The following FBXL7 variants were observed in gnomAD, a reference collection of about 807,000 sequenced individuals.
FBXL7 encodes the protein F-box and leucine rich repeat protein 7, also known as F-box/LRR-repeat protein 7.
A neutral mutation model predicts 38.3 loss-of-function variants in FBXL7; 12 were observed. That is an observed-to-expected ratio of 0.31 (90% CI 0.20 to 0.51). The LOEUF (loss-of-function observed/expected upper bound fraction) is 0.51. FBXL7 is among the 20% of genes least tolerant of loss of function. The pLI is 0.98. For missense variants in FBXL7, 567 were observed against 676.4 expected (o/e 0.84, Z 1.79); for synonymous variants, 297 against 300.9 (o/e 0.99, Z 0.13).
intron 1 of FBXL7, among the ~76,000 whole-genome samples, chr5:15,581,291 C>T (rs1403287302): frequency 1.3e-5 from 2 of 152,102 alleles, no homozygotes; most frequent in Non-Finnish European, 2.9e-5. Flanking sequence ...AAACCCTTTC[C>T]CAGGAACTTG....
intron 1 of FBXL7, among the ~76,000 whole-genome samples, chr5:15,561,718 A>G (rs1429819244): frequency 6.6e-6 from 1 of 152,032 alleles, no homozygotes; most frequent in African/African-American, 2.4e-5. Flanking sequence ...CACCCTCACC[A>G]ACACTTATAC....
intron 2 of FBXL7, among the ~76,000 whole-genome samples, chr5:15,654,189 A>G (rs1487457205): frequency 6.6e-6 from 1 of 152,192 alleles, no homozygotes. Context: ...CTCTAGGGCA[A>G]AGGTGCATAA....
chr5:15,705,732 A>G (rs943860434), intron 2 of FBXL7, among the ~76,000 whole-genome samples: 3 of 152,162 alleles, frequency 2.0e-5, no homozygotes, highest in Non-Finnish European at 4.4e-5. Context: ...ATGCCTCTAC[A>G]TTCCAGGCAA....
intron 2 of FBXL7, among the ~76,000 whole-genome samples, chr5:15,694,551 T>G (rs1378914002): frequency 1.3e-5 from 2 of 152,190 alleles, no homozygotes; most frequent in Non-Finnish European, 2.9e-5. Flanking sequence ...TAACTAGACC[T>G]TGGAAGTCAG....
chr5:15,689,461 A>G (rs959090294), intron 2 of FBXL7, among the ~76,000 whole-genome samples: 2 of 152,090 alleles, frequency 1.3e-5, no homozygotes, highest in Non-Finnish European at 2.9e-5. Flanking sequence ...ATGACATGTA[A>G]AAATAGCTGC....
At chr5:15,884,604 C>T (rs1483573660) in intron 2 of FBXL7, among the ~76,000 whole-genome samples, 2 of 152,076 alleles carry the variant, frequency 1.3e-5, no homozygotes, top group Non-Finnish European at 1.5e-5. Flanking sequence ...TACAAACATT[C>T]AGTTCATAAT....
chr5:15,553,090 AAAC>A (rs201608773), intron 1 of FBXL7, among the ~76,000 whole-genome samples: 21,014 of 150,472 alleles, frequency 0.14, 1,642 homozygotes, highest in East Asian at 0.19. Context: ...CAAAAAAAAA[AAAC>A]AAAAAAAAAC....
intron 2 of FBXL7, among the ~76,000 whole-genome samples, chr5:15,677,088 T>C (rs1331904850): frequency 1.3e-5 from 2 of 152,334 alleles, no homozygotes; most frequent in South Asian, 4.1e-4. Context: ...TTATCATCAA[T>C]AGCAATAGGA....
chr5:15,761,254 T>A (rs1258467408), intron 2 of FBXL7, among the ~76,000 whole-genome samples: 1 of 152,174 alleles, frequency 6.6e-6, no homozygotes, highest in Non-Finnish European at 1.5e-5. Flanking sequence ...GGTAATTTCC[T>A]TTTTCCTCTC....
At chr5:15,748,855 A>G (rs1360942871) in intron 2 of FBXL7, among the ~76,000 whole-genome samples, 1 of 152,138 alleles carries the variant, frequency 6.6e-6, no homozygotes, top group East Asian at 1.9e-4. Flanking sequence ...AGCATGTACC[A>G]CTATACTTGG....
At chr5:15,593,168 G>T (rs527870316) in intron 1 of FBXL7, among the ~76,000 whole-genome samples, 1 of 152,146 alleles carries the variant, frequency 6.6e-6, no homozygotes, top group East Asian at 1.9e-4. Flanking sequence ...TGTTCCCTGC[G>T]TGCCCCTTCC....
At chr5:15,698,063 G>C (rs73755517) in intron 2 of FBXL7, among the ~76,000 whole-genome samples, 8,126 of 152,238 alleles carry the variant, frequency 0.053, 239 homozygotes, top group East Asian at 0.085. Flanking sequence ...TATTTTTTCT[G>C]ATTTTTAATG....
intron 1 of FBXL7, among the ~76,000 whole-genome samples, chr5:15,537,737 G>A (rs1465218714): frequency 6.6e-6 from 1 of 152,154 alleles, no homozygotes. Context: ...GAGAGTGTGT[G>A]GCAAAAAGAT....
intron 1 of FBXL7, among the ~76,000 whole-genome samples, chr5:15,557,633 A>G (rs1364570764): frequency 6.6e-6 from 1 of 152,194 alleles, no homozygotes; most frequent in Non-Finnish European, 1.5e-5. Flanking sequence ...TGCTTCGTGA[A>G]GGGTAAGGAG....
At chr5:15,513,540 C>T (rs1432471437) in intron 1 of FBXL7, among the ~76,000 whole-genome samples, 2 of 152,128 alleles carry the variant, frequency 1.3e-5, no homozygotes, top group South Asian at 4.1e-4. Context: ...TGGTATCTGC[C>T]TGCAGCTGTA....
At chr5:15,877,035 C>T (rs893576732) in intron 2 of FBXL7, among the ~76,000 whole-genome samples, 2 of 152,094 alleles carry the variant, frequency 1.3e-5, no homozygotes, top group African/African-American at 4.8e-5. Context: ...TAGATATCAG[C>T]GTTTATTCCA....
At chr5:15,661,977 G>C (rs937736209) in intron 2 of FBXL7, among the ~76,000 whole-genome samples, 1 of 152,184 alleles carries the variant, frequency 6.6e-6, no homozygotes, top group Non-Finnish European at 1.5e-5. Context: ...TATCAGAATA[G>C]TGCTGCAATG....
chr5:15,900,912 T>C (rs1741218316), intron 2 of FBXL7, among the ~76,000 whole-genome samples: 1 of 152,238 alleles, frequency 6.6e-6, no homozygotes, highest in African/African-American at 2.4e-5. Flanking sequence ...AAAAAGTGCT[T>C]CATTGAAATT....
At chr5:15,610,157 C>T (rs370778015) in intron 1 of FBXL7, among the ~76,000 whole-genome samples, 3 of 152,208 alleles carry the variant, frequency 2.0e-5, no homozygotes, top group African/African-American at 7.2e-5. Context: ...AGGGGTCCCT[C>T]CCAGAACACG....
Sources: allele counts gnomAD v4.1 joint callset (sites outside exome capture counted in the v4.1 genomes callset), GRCh38; gene constraint gnomAD v4.1.1; transcripts MANE v1.5; gene names NCBI Gene and HGNC (gene_info 2026-07-23, HGNC 2026-07-21).